CEP164: variants seen among roughly 807,000 people sequenced by gnomAD.
CEP164 encodes the protein centrosomal protein 164.
In CEP164, 162 loss-of-function variants were observed where a neutral mutation model predicts 182.7. The observed-to-expected ratio is 0.89, with a 90% CI of 0.78 to 1.01. The LOEUF is 1.01. Ranked by LOEUF, CEP164 falls within the 50% of genes least tolerant of loss-of-function variation. CEP164 has a pLI of 0.00. For synonymous variants in CEP164, 661 were observed against 690.0 expected, an observed-to-expected ratio of 0.96 and a Z score of 0.66; for missense variants, 1,735 against 1,790.4, an observed-to-expected ratio of 0.97 and a Z score of 0.56.
Position 117,346,456 on chromosome 11 carries a change from G to A in CEP164, c.194+2179G>A, listed in dbSNP as rs111854555. 6.0e-3 allele frequency among the ~76,000 whole-genome samples: 917 copies of A among 151,680 alleles called. 29 individuals carry two copies. The East Asian group carries it at 0.087, about 14-fold the overall frequency. Reference sequence around the variant, plus strand: ...TTATTTTTAGTAGGGACGGGGTTTCGCCATGTTGATCAGGCTGGTCTTGAA... The same window carrying A: ...TTATTTTTAGTAGGGACGGGGTTTCACCATGTTGATCAGGCTGGTCTTGAA... On this transcript the variant is annotated intron_variant, in intron 4 of 32. Transcript: ENST00000278935.
At chr11:117,400,857 A>G (rs1056475020) in intron 27 of CEP164, among the ~76,000 whole-genome samples, 6 of 152,230 alleles carry the variant, frequency 3.9e-5, no homozygotes, top group African/African-American at 9.6e-5. Context: ...ACTTTGCTGA[A>G]GTTGCTGATC....
intron 5 of CEP164, among the ~76,000 whole-genome samples, chr11:117,358,711 T>G (rs949133099): frequency 1.3e-5 from 2 of 152,066 alleles, no homozygotes; most frequent in African/African-American, 4.8e-5. Context: ...AAAATTATTT[T>G]TTTGTAGACA....
intron 5 of CEP164, 58 bp downstream of exon 5, chr11:117,352,046 G>T: frequency 1.4e-6 from 2 of 1,451,330 alleles, no homozygotes; most frequent in Non-Finnish European, 1.9e-6. Context: ...GAGGGATGTT[G>T]GGAACCTCTA....
At chr11:117,393,844 A>G (rs1453778484) in intron 20 of CEP164, among the ~76,000 whole-genome samples, 1 of 152,208 alleles carries the variant, frequency 6.6e-6, no homozygotes, top group African/African-American at 2.4e-5. Flanking sequence ...ATTGAGGGTG[A>G]ACAATGGGTG....
At chr11:117,364,843 G>C (rs1039462236) in intron 8 of CEP164, among the ~76,000 whole-genome samples, 11 of 152,118 alleles carry the variant, frequency 7.2e-5, no homozygotes, top group African/African-American at 2.7e-4. Context: ...CTCAGAAACT[G>C]TTCAGCATTT....
chr11:117,344,712 A>G (rs554929748), intron 4 of CEP164, among the ~76,000 whole-genome samples: 14 of 152,278 alleles, frequency 9.2e-5, no homozygotes, highest in Admixed American at 2.0e-4. Context: ...GGATTGCTTG[A>G]GGTCAGGAAT....
intron 8 of CEP164, among the ~76,000 whole-genome samples, chr11:117,364,747 C>T (rs1592179588): frequency 6.6e-6 from 1 of 152,136 alleles, no homozygotes; most frequent in Non-Finnish European, 1.5e-5. Context: ...ATCCACCTAC[C>T]TTGGGCTCCC....
Position 117,390,926 on chromosome 11 carries a change from T to A in CEP164, c.2066+18T>A, listed in dbSNP as rs372326673. 6 of 1,613,734 alleles carry A rather than the reference T, an allele frequency of 3.7e-6. No individual in the cohort carries two copies. On this transcript the variant is annotated intron_variant, in intron 16 of 32. Transcript: ENST00000278935. ...CAAATCAGGTAAGTGTGTGCTTACC[T>A]GTGAGCTGCCCAGCCCTGCGGAGGC...
chr11:117,327,330 T>G (rs895053294), upstream of CEP164, among the ~76,000 whole-genome samples: 2 of 152,204 alleles, frequency 1.3e-5, no homozygotes, highest in Non-Finnish European at 2.9e-5. Context: ...CACTGTATTA[T>G]TCACCTGATG....
chr11:117,357,423 CT>C lies in CEP164; in HGVS notation c.394-4392del, dbSNP rs4018866. 3.5e-3 allele frequency among the ~76,000 whole-genome samples: 421 copies of C among 121,538 alleles called. 1 individual carries two copies. Among genetic ancestry groups the C allele is most frequent in the African/African-American group, 5.7e-3 (192 of 33,542 alleles). 79.7% of individuals were successfully genotyped at this position (121,538 alleles called of 152,430 possible). A position where few individuals can be genotyped will look rare whatever the true frequency, so the allele number is the denominator to read the frequency against. The stretch of plus-strand genomic sequence containing the variant: ...TGCACCTGATTAGAGAGTTAATATT[CT>C]TTTTTTTTTTTTTTTTTTTGACAGT... On this transcript the variant is annotated intron_variant, in intron 5 of 32. Coordinates refer to ENST00000278935, the MANE Select transcript of CEP164 (RefSeq NM_014956.5).
chr11:117,396,268 A>G (rs2045450091), intron 25 of CEP164, 88 bp downstream of exon 25: 47 of 1,434,782 alleles, frequency 3.3e-5, no homozygotes, highest in Non-Finnish European at 4.5e-5. Flanking sequence ...GTACTTCCAG[A>G]GGGGACAGCT....
At chr11:117,329,284 G>C (rs914141654) in intron 1 of CEP164, among the ~76,000 whole-genome samples, 1 of 152,136 alleles carries the variant, frequency 6.6e-6, no homozygotes, top group African/African-American at 2.4e-5. Flanking sequence ...CTGACCTACA[G>C]ATCTGGTCAT....
intron 5 of CEP164, chr11:117,355,687 C>T (rs1235338608): frequency 1.7e-6 from 2 of 1,188,858 alleles, no homozygotes; most frequent in Non-Finnish European, 1.1e-6. Flanking sequence ...GGAGCATAGG[C>T]AGCGGGAGGA....
intron 2 of CEP164, among the ~76,000 whole-genome samples, chr11:117,337,510 T>TAAAAAAAAAAAAAAAAAAAAAAAAAA (rs55864956): frequency 1.6e-5 from 2 of 128,880 alleles, no homozygotes; most frequent in African/African-American, 2.9e-5. Context: ...ACCATCTCTG[T>TAAAAAAAAAAAAAAAAAAAAAAAAAA]AAAAAAAAAA....
At chr11:117,324,045 C>T, upstream of CEP164, 1 of 245,078 alleles carries the variant, frequency 4.1e-6, no homozygotes, top group Non-Finnish European at 8.6e-6. Flanking sequence ...CAATTCTTTC[C>T]CATCTTTGAA....
At chr11:117,400,763 T>A (rs2046043072) in intron 27 of CEP164, among the ~76,000 whole-genome samples, 1 of 152,214 alleles carries the variant, frequency 6.6e-6, no homozygotes, top group Admixed American at 6.5e-5. Flanking sequence ...GAATGGGAGT[T>A]CACTCATGCT....
intron 10 of CEP164, 38 bp from the exon 11 acceptor site, chr11:117,375,670 A>G: frequency 6.3e-7 from 1 of 1,591,742 alleles, no homozygotes; most frequent in East Asian, 2.2e-5. Flanking sequence ...TGACTGTGAC[A>G]GAGGCAGAGT....
At chr11:117,386,912 C>T (rs1004131604) in intron 14 of CEP164, 4 of 376,040 alleles carry the variant, frequency 1.1e-5, no homozygotes, top group Non-Finnish European at 1.9e-5. Context: ...GCTCTTGAGC[C>T]GCAGCTTCAG....
intron 27 of CEP164, among the ~76,000 whole-genome samples, chr11:117,406,376 A>G (rs2046676086): frequency 6.6e-6 from 1 of 152,188 alleles, no homozygotes; most frequent in South Asian, 2.1e-4. Context: ...GGCCCTCATG[A>G]TTCAGATTAT....
Sources: allele counts gnomAD v4.1 joint callset (sites outside exome capture counted in the v4.1 genomes callset), GRCh38; gene constraint gnomAD v4.1.1; transcripts MANE v1.5; gene names NCBI Gene and HGNC (gene_info 2026-07-23, HGNC 2026-07-21).